MARCHF1: variants seen among roughly 807,000 people sequenced by gnomAD.
MARCHF1 encodes the protein membrane associated ring-CH-type finger 1.
Under a neutral mutation model 54.2 loss-of-function variants are expected in MARCHF1, and 40 were observed. The observed-to-expected ratio is 0.74, with a 90% CI of 0.57 to 0.96. The LOEUF (loss-of-function observed/expected upper bound fraction) is 0.96, where lower values mean the gene tolerates loss of function less well. Ranked by LOEUF, MARCHF1 falls within the 40% of genes least tolerant of loss-of-function variation. MARCHF1 has a pLI of 0.00. For missense variants in MARCHF1, 586 were observed against 656.5 expected (o/e 0.89, Z 1.17); for synonymous variants, 236 against 236.3 (o/e 1.00, Z 0.01).
chr4:164,101,227 G>C (rs1457302829), intron 2 of MARCHF1, among the ~76,000 whole-genome samples: 1 of 152,178 alleles, frequency 6.6e-6, no homozygotes, highest in Non-Finnish European at 1.5e-5. Context: ...GGTAAACAAA[G>C]CAGCCTGGAA....
Position 164,138,554 on chromosome 4 carries a change from G to C in MARCHF1, c.-322-26892C>G, listed in dbSNP as rs112316878. Among the ~76,000 whole-genome samples, 531 of 152,250 alleles carry C rather than the reference G, an allele frequency of 3.5e-3. 5 individuals carry two copies. Among genetic ancestry groups the C allele is most frequent in the African/African-American group, 0.012 (511 of 41,534 alleles). On this transcript the variant is annotated intron_variant, in intron 1 of 9. Coordinates refer to ENST00000514618, the MANE Select transcript of MARCHF1 (RefSeq NM_001394959.1). ...CAGGTTTTGGGCACTTACCAAATGG[G>C]GATATGCTAGGAGCAAATTAAGGAA...
At chr4:164,012,200 G>C (rs1436697446) in intron 2 of MARCHF1, among the ~76,000 whole-genome samples, 2 of 152,060 alleles carry the variant, frequency 1.3e-5, no homozygotes, top group African/African-American at 4.8e-5. Context: ...TGTAGGCAGG[G>C]AACTTGGGGT....
intron 5 of MARCHF1, among the ~76,000 whole-genome samples, chr4:163,698,043 G>T (rs1744689893): frequency 6.6e-6 from 1 of 152,144 alleles, no homozygotes; most frequent in African/African-American, 2.4e-5. Context: ...ACTGTTCTAA[G>T]CACCACTGCA....
intron 1 of MARCHF1, among the ~76,000 whole-genome samples, chr4:164,161,280 G>A (rs1255255405): frequency 1.3e-5 from 2 of 151,986 alleles, no homozygotes; most frequent in Non-Finnish European, 2.9e-5. Context: ...CCAGCCATGG[G>A]GTGTGCCTGC....
At chr4:163,709,167 C>T (rs1745034047) in intron 4 of MARCHF1, among the ~76,000 whole-genome samples, 1 of 152,162 alleles carries the variant, frequency 6.6e-6, no homozygotes, top group Admixed American at 6.5e-5. Flanking sequence ...GCTATTAACA[C>T]TGCAATCTAT....
chr4:164,119,108 A>G (rs930443233), intron 1 of MARCHF1, among the ~76,000 whole-genome samples: 4 of 151,718 alleles, frequency 2.6e-5, no homozygotes, highest in African/African-American at 9.7e-5. Context: ...TTGACTACAC[A>G]TTAGACCCTA....
intron 1 of MARCHF1, among the ~76,000 whole-genome samples, chr4:164,210,977 C>A (rs1731748141): frequency 6.6e-6 from 1 of 151,960 alleles, no homozygotes; most frequent in Non-Finnish European, 1.5e-5. Flanking sequence ...ACTGCAAGAT[C>A]TCATTTATAT....
At chr4:163,621,209 C>A (rs1421329189) in intron 5 of MARCHF1, among the ~76,000 whole-genome samples, 6 of 152,012 alleles carry the variant, frequency 3.9e-5, no homozygotes, top group Non-Finnish European at 5.9e-5. Flanking sequence ...ATTTTTTTCT[C>A]CCCACACATG....
At chr4:164,188,955 T>G in intron 1 of MARCHF1, 1 of 742,854 alleles carries the variant, frequency 1.3e-6, no homozygotes. Context: ...ATTGCTGAGC[T>G]AAATGTTATG....
intron 4 of MARCHF1, among the ~76,000 whole-genome samples, chr4:163,768,358 C>A (rs1407355086): frequency 3.5e-4 from 53 of 152,186 alleles, no homozygotes; most frequent in Non-Finnish European, 2.8e-4. Context: ...CACTAACAAA[C>A]AACTTCAATG....
intron 1 of MARCHF1, among the ~76,000 whole-genome samples, chr4:164,369,709 G>A (rs1001536918): frequency 6.6e-6 from 1 of 152,006 alleles, no homozygotes; most frequent in Non-Finnish European, 1.5e-5. Context: ...TACTATAATA[G>A]TACCTCTACC....
intron 1 of MARCHF1, among the ~76,000 whole-genome samples, chr4:164,290,628 G>C (rs919681961): frequency 2.0e-5 from 3 of 151,872 alleles, no homozygotes; most frequent in East Asian, 3.9e-4. Flanking sequence ...TGCATTAAGT[G>C]GGAATTTCAA....
chr4:163,775,719 T>C (rs1747286229), intron 4 of MARCHF1, among the ~76,000 whole-genome samples: 1 of 152,032 alleles, frequency 6.6e-6, no homozygotes, highest in Non-Finnish European at 1.5e-5. Flanking sequence ...AAGTGCTTAG[T>C]TTTGGATGAA....
At chr4:164,171,454 A>G (rs887790516) in intron 1 of MARCHF1, among the ~76,000 whole-genome samples, 1 of 152,172 alleles carries the variant, frequency 6.6e-6, no homozygotes, top group Admixed American at 6.5e-5. Flanking sequence ...GTGCCATTGA[A>G]TTATCAAATG....
At chr4:163,757,244 T>G (rs1344876150) in intron 4 of MARCHF1, among the ~76,000 whole-genome samples, 1 of 152,208 alleles carries the variant, frequency 6.6e-6, no homozygotes, top group Non-Finnish European at 1.5e-5. Flanking sequence ...TTTCCATGGT[T>G]GCTTCTCCCA....
intron 5 of MARCHF1, among the ~76,000 whole-genome samples, chr4:163,615,842 G>A (rs1289461570): frequency 6.6e-6 from 1 of 152,086 alleles, no homozygotes; most frequent in Non-Finnish European, 1.5e-5. Context: ...CAAATTCATA[G>A]TAATCAAAAG....
At chr4:164,147,180 C>T (rs1212240457) in intron 1 of MARCHF1, among the ~76,000 whole-genome samples, 2 of 151,708 alleles carry the variant, frequency 1.3e-5, no homozygotes, top group Non-Finnish European at 2.9e-5. Context: ...ACAACAGGTG[C>T]TGGAGAGGAT....
intron 2 of MARCHF1, among the ~76,000 whole-genome samples, chr4:164,046,935 A>G (rs895042598): frequency 6.6e-6 from 1 of 152,220 alleles, no homozygotes; most frequent in African/African-American, 2.4e-5. Context: ...ATCTTTTAAT[A>G]AAAAGGCTAA....
chr4:163,676,195 A>AG (rs1403952961), intron 5 of MARCHF1, among the ~76,000 whole-genome samples: 1 of 148,440 alleles, frequency 6.7e-6, no homozygotes, highest in South Asian at 2.1e-4. Flanking sequence ...CAAAAAAAAA[A>AG]AAAAAAAAAA....
Sources: gnomAD v4.1 joint callset for allele counts (sites outside exome capture counted in the v4.1 genomes callset) on GRCh38, gnomAD v4.1.1 for gene constraint, MANE v1.5 for transcripts, NCBI Gene and HGNC (gene_info 2026-07-23, HGNC 2026-07-21) for gene names.